Variants in DYNC2H1 observed in about 807,000 individuals in gnomAD.
DYNC2H1 encodes dynein cytoplasmic 2 heavy chain 1.
In DYNC2H1, 410 loss-of-function variants were observed where a neutral mutation model predicts 570.0. The ratio of observed to expected loss-of-function variants is 0.72; its 90% CI spans 0.66 to 0.78. DYNC2H1 has a LOEUF of 0.78. DYNC2H1 is among the 30% of genes least tolerant of loss of function. DYNC2H1 has a pLI of 0.00. For synonymous variants in DYNC2H1, 1,688 were observed against 1,677.6 expected (o/e 1.01, Z -0.15); for missense variants, 4,865 against 5,046.4 (o/e 0.96, Z 1.09).
rs1429684774 is a variant in DYNC2H1, at chr11:103,326,083, G to A, written c.12039+2093G>A. Among the ~76,000 whole-genome samples the A allele has an allele frequency of 6.6e-6, 1 of 152,108 alleles. No individual in the cohort carries two copies. The highest frequency in any genetic ancestry group is 1.5e-5 in the Non-Finnish European group (1 of 68,038). On this transcript the variant is annotated intron_variant, in intron 82 of 88. Transcript: ENST00000375735. The surrounding 1 kb of genome is among the most constrained non-coding windows in gnomAD (Gnocchi z 6.1). ...GGGTGAATTCTTGCTCTTGGTTTCC[G>A]GCATCTATTAGCAGAATAATGTTTA...
intron 75 of DYNC2H1, among the ~76,000 whole-genome samples, chr11:103,291,042 A>AAGTTATTACCAGAAGTGGATG (rs1866575377): frequency 6.6e-6 from 1 of 152,176 alleles, no homozygotes; most frequent in Non-Finnish European, 1.5e-5. Flanking sequence ...GAAGTGAAGG[A>AAGTTATTACCAGAAGTGGATG]GGGGATGCTG....
At position 103,114,188 on chromosome 11, in the gene DYNC2H1, G is replaced by A; in HGVS notation, c.452G>A (p.Arg151Lys). The A allele has an allele frequency of 3.1e-6, 5 of 1,603,050 alleles. No individual in the cohort carries two copies. The highest frequency in any genetic ancestry group is 4.3e-6 in the Non-Finnish European group (5 of 1,174,020). Residue 151 changes from arginine (R) to lysine (K), a missense_variant, in exon 3 of 89, where the codon AGA (arginine) becomes AAA (lysine). Coordinates refer to ENST00000375735, the MANE Select transcript of DYNC2H1 (RefSeq NM_001377.3). ...LEAGLGIVLR[R>K]SDTNLTKLKF... ...GCTGGGTTGGGTATAGTTCTACGAAGATCAGACACTAACTTAACAAAATTG... is the reference window on the plus strand; with the variant it reads ...GCTGGGTTGGGTATAGTTCTACGAAAATCAGACACTAACTTAACAAAATTG...
intron 83 of DYNC2H1, among the ~76,000 whole-genome samples, chr11:103,379,252 T>G (rs1941537877): frequency 6.6e-6 from 1 of 152,232 alleles, no homozygotes; most frequent in African/African-American, 2.4e-5. Context: ...ACTTTCTTTC[T>G]GCCAGATGTT....
chr11:103,350,637 A>G (rs1940002921), intron 82 of DYNC2H1, among the ~76,000 whole-genome samples: 1 of 152,182 alleles, frequency 6.6e-6, no homozygotes, highest in Non-Finnish European at 1.5e-5. Context: ...ATTTTCTCAC[A>G]GTTTTGGGGG....
intron 83 of DYNC2H1, among the ~76,000 whole-genome samples, chr11:103,375,744 A>G (rs1941366129): frequency 6.6e-6 from 1 of 152,158 alleles, no homozygotes; most frequent in Admixed American, 6.6e-5. Flanking sequence ...CATTGTATCT[A>G]GGAAGTAACT....
intron 84 of DYNC2H1, among the ~76,000 whole-genome samples, chr11:103,433,577 G>A (rs2135747323): frequency 6.6e-6 from 1 of 152,188 alleles, no homozygotes; most frequent in South Asian, 2.1e-4. Context: ...TGAGTGAGAG[G>A]AGTGTCAAAT....
intron 30 of DYNC2H1, among the ~76,000 whole-genome samples, chr11:103,164,828 A>G (rs1861236295): frequency 1.3e-5 from 2 of 152,192 alleles, no homozygotes; most frequent in Non-Finnish European, 2.9e-5. Context: ...CCATTCACAG[A>G]AATTACACAG....
chr11:103,477,614 G>A (rs184823021), intron 88 of DYNC2H1, among the ~76,000 whole-genome samples: 78 of 152,020 alleles, frequency 5.1e-4, no homozygotes, highest in African/African-American at 1.6e-3. Context: ...CACGTATCAC[G>A]AGGTCAGGAG....
At chr11:103,180,201 G>A (rs116573793) in intron 39 of DYNC2H1, among the ~76,000 whole-genome samples, 2,618 of 151,638 alleles carry the variant, frequency 0.017, 75 homozygotes, top group African/African-American at 0.059. Flanking sequence ...ATAATCTTGT[G>A]AGAAAAATAG....
At chr11:103,144,982 G>C (rs541635885) in intron 18 of DYNC2H1, among the ~76,000 whole-genome samples, 6 of 152,144 alleles carry the variant, frequency 3.9e-5, no homozygotes, top group South Asian at 4.1e-4. Context: ...TTGGGTTTAA[G>C]TGATTCCCCT....
rs1861181935 is a variant in DYNC2H1 at position 103,163,515 on chromosome 11, A to G, written c.4611+368A>G. Among the ~76,000 whole-genome samples the G allele has an allele frequency of 6.6e-6, 1 of 152,216 alleles. No homozygotes were observed. The highest frequency in any genetic ancestry group is 6.5e-5 in the Admixed American group (1 of 15,276). ...GCATTGGAGCTGGCAGGAACTTAGC[A>G]GGTATTAGTGTAAATCTGAAATAGT... On this transcript the variant is annotated intron_variant, in intron 30 of 88. Coordinates refer to ENST00000375735, the MANE Select transcript of DYNC2H1 (RefSeq NM_001377.3). This position sits in a 1 kb window ranked among gnomAD's most constrained non-coding sequence, Gnocchi z 4.6.
intron 83 of DYNC2H1, among the ~76,000 whole-genome samples, chr11:103,391,514 G>T (rs964472892): frequency 1.5e-4 from 23 of 152,330 alleles, no homozygotes; most frequent in South Asian, 1.5e-3. Context: ...GTCATTCTCT[G>T]TCCAGCTTTG....
At chr11:103,386,908 C>T (rs1565550198) in intron 83 of DYNC2H1, among the ~76,000 whole-genome samples, 3 of 151,280 alleles carry the variant, frequency 2.0e-5, no homozygotes, top group Admixed American at 6.6e-5. Context: ...CGTTGTTGGA[C>T]ATTTGGGTTG....
chr11:103,384,172 A>G (rs1174336336), intron 83 of DYNC2H1, among the ~76,000 whole-genome samples: 3 of 152,174 alleles, frequency 2.0e-5, no homozygotes, highest in African/African-American at 7.2e-5. Context: ...AGCTTATACT[A>G]CTACACATAC....
chr11:103,180,984 G>A (rs562544677), intron 39 of DYNC2H1, among the ~76,000 whole-genome samples: 6 of 151,322 alleles, frequency 4.0e-5, no homozygotes, highest in South Asian at 2.1e-4. Flanking sequence ...GACAAAAATC[G>A]TGAGGTCTTG....
chr11:103,140,085 C>T (rs1055711866), intron 17 of DYNC2H1, among the ~76,000 whole-genome samples: 8 of 152,084 alleles, frequency 5.3e-5, no homozygotes, highest in African/African-American at 1.9e-4. Context: ...TTCCTCCATC[C>T]TTTTATTTTG....
At chr11:103,340,455 T>C (rs369830051) in intron 82 of DYNC2H1, among the ~76,000 whole-genome samples, 1 of 152,216 alleles carries the variant, frequency 6.6e-6, no homozygotes, top group Non-Finnish European at 1.5e-5. Context: ...TATCTTTAGC[T>C]TCTATCCTCA....
chr11:103,187,268 T>G, intron 42 of DYNC2H1, 72 bp from the exon 43 acceptor site: 1 of 1,570,474 alleles, frequency 6.4e-7, no homozygotes, highest in Non-Finnish European at 8.6e-7. Context: ...AGATAGAAAT[T>G]TCTTATTGAG....
At chr11:103,332,232 T>C (rs1938845334) in intron 82 of DYNC2H1, among the ~76,000 whole-genome samples, 1 of 142,276 alleles carries the variant, frequency 7.0e-6, no homozygotes, top group South Asian at 2.2e-4. Flanking sequence ...AGACTTGATA[T>C]AACCAAGGAA....
Sources: allele counts gnomAD v4.1 joint callset (sites outside exome capture counted in the v4.1 genomes callset), GRCh38; gene constraint gnomAD v4.1.1; non-coding constraint Gnocchi (gnomAD v3.1); transcripts MANE v1.5; gene names NCBI Gene and HGNC (gene_info 2026-07-23, HGNC 2026-07-21).